The following NCAM2 variants were observed in gnomAD, a reference collection of about 807,000 sequenced individuals.
NCAM2 encodes the protein N-CAM-2.
NCAM2 carries 30 observed loss-of-function variants against 98.1 expected under a neutral mutation model. The ratio of observed to expected loss-of-function variants is 0.31; its 90% CI spans 0.23 to 0.41. The LOEUF (loss-of-function observed/expected upper bound fraction) is 0.41. Among genes scored for constraint, NCAM2 ranks in the 10% least tolerant of loss-of-function variants. NCAM2 has a pLI of 1.00. For synonymous variants in NCAM2, 368 were observed against 342.4 expected, an observed-to-expected ratio of 1.07 and a Z score of -0.83; for missense variants, 867 against 1,005.8, an observed-to-expected ratio of 0.86 and a Z score of 1.87.
rs571215854 is a variant in NCAM2, at chr21:21,456,989, T to C, written c.1655-9617T>C. On this transcript the variant is annotated intron_variant, in intron 12 of 17. Coordinates refer to ENST00000400546, the MANE Select transcript of NCAM2 (RefSeq NM_004540.5). Reference sequence around the variant, plus strand: ...CCACTTAGTCTAAGATATTCTCTTATAATTGTCTAAATGTAATAAGCCAGA... The same window carrying C: ...CCACTTAGTCTAAGATATTCTCTTACAATTGTCTAAATGTAATAAGCCAGA... Among the ~76,000 whole-genome samples, 4 of 152,316 alleles carry C rather than the reference T, an allele frequency of 2.6e-5. No individual in the cohort carries two copies. In the East Asian group the frequency reaches 7.7e-4, roughly 29 times the overall value.
Position 21,466,666 on chromosome 21 carries a change from T to C in NCAM2, c.1715T>C (p.Val572Ala). The C allele has an allele frequency of 6.2e-7, 1 of 1,610,500 alleles. No individual in the cohort carries two copies. The highest frequency in any genetic ancestry group is 8.5e-7 in the Non-Finnish European group (1 of 1,177,858). Residue 572 changes from valine (V) to alanine (A), a missense_variant, in exon 13 of 18, where the codon GTA (valine) becomes GCA (alanine). Physicochemically the swap from Val to Ala is moderately conservative, Grantham distance 64. Coordinates refer to ENST00000400546, the MANE Select transcript of NCAM2 (RefSeq NM_004540.5). The part of the protein sequence containing the change: ...NTTYEIRVAA[V>A]NGKGQGDYSK... ...ACTTATGAAATCAGGGTTGCAGCTG[T>C]AAATGGAAAGGGACAAGGAGACTAC...
At chr21:21,157,810 A>G (rs2067661039) in intron 1 of NCAM2, among the ~76,000 whole-genome samples, 1 of 152,302 alleles carries the variant, frequency 6.6e-6, no homozygotes, top group East Asian at 1.9e-4. Context: ...GTCTTTAAAA[A>G]GTTTTGTTGT....
At chr21:21,457,245 A>G (rs567471480) in intron 12 of NCAM2, among the ~76,000 whole-genome samples, 29 of 152,312 alleles carry the variant, frequency 1.9e-4, no homozygotes, top group Middle Eastern at 3.4e-3. Context: ...TGTGAAGAGA[A>G]TTCTGTTGAT....
rs541943951 is a variant in NCAM2, at chr21:21,540,017, T to C, written c.*2060T>C. 6.6e-6 allele frequency: 1 copy of C among 152,256 alleles called. No individual in the cohort carries two copies. Among genetic ancestry groups the C allele is most frequent in the South Asian group, 2.1e-4 (1 of 4,828 alleles). The allele number at this position is 152,256 out of a possible 1,614,324, so 9.4% of individuals were successfully genotyped here. A position where few individuals can be genotyped will look rare whatever the true frequency, so the allele number is the denominator to read the frequency against. ...GCTTAGTAAAGTGTCCATGAAGCAA[T>C]AGCCATGAATGCTAATTATTTCTAA... On this transcript the variant is annotated 3_prime_UTR_variant, in exon 18 of 18. Coordinates refer to ENST00000400546, the MANE Select transcript of NCAM2 (RefSeq NM_004540.5).
intron 9 of NCAM2, among the ~76,000 whole-genome samples, chr21:21,388,411 C>T (rs745884503): frequency 6.6e-6 from 1 of 152,074 alleles, no homozygotes; most frequent in South Asian, 2.1e-4. Flanking sequence ...GCAGAGGGAA[C>T]AAGGGCAGAT....
intron 15 of NCAM2, among the ~76,000 whole-genome samples, chr21:21,484,226 A>G (rs1986145943): frequency 6.6e-6 from 1 of 152,210 alleles, no homozygotes; most frequent in Non-Finnish European, 1.5e-5. Flanking sequence ...GTGACAATAC[A>G]TAGAAATGTT....
At chr21:21,403,709 G>A (rs1274073677) in intron 9 of NCAM2, among the ~76,000 whole-genome samples, 1 of 152,124 alleles carries the variant, frequency 6.6e-6, no homozygotes, top group Non-Finnish European at 1.5e-5. Context: ...TCATGAAGAA[G>A]TTAAATTCCT....
At chr21:21,525,675 A>G (rs1449414912) in intron 16 of NCAM2, among the ~76,000 whole-genome samples, 1 of 152,142 alleles carries the variant, frequency 6.6e-6, no homozygotes, top group Non-Finnish European at 1.5e-5. Context: ...AGCCAGCATT[A>G]CTGAAATGCC....
intron 1 of NCAM2, among the ~76,000 whole-genome samples, chr21:21,116,206 A>C (rs2066556716): frequency 6.6e-6 from 1 of 152,112 alleles, no homozygotes; most frequent in African/African-American, 2.4e-5. Flanking sequence ...GCTTGACGAG[A>C]AGTGAACCAC....
In NCAM2 at chr21:21,292,183, A is replaced by G; in HGVS notation, c.561A>G (p.Glu187=). 1 of 1,611,316 alleles carries G rather than the reference A, an allele frequency of 6.2e-7. No individual in the cohort carries two copies. Among genetic ancestry groups the G allele is most frequent in the South Asian group, 1.1e-5 (1 of 90,884 alleles). Residue 187 remains glutamate, a synonymous_variant, in exon 5 of 18, where the codon GAA becomes GAG. Coordinates refer to ENST00000400546, the MANE Select transcript of NCAM2 (RefSeq NM_004540.5). ...NKSDEGIYRC[E]GRVEARGEID... ...GTGATGAAGGTATATACAGATGTGAAGGAAGAGTGGAGGCCAGGGGAGAAA... is the reference window on the plus strand; with the variant it reads ...GTGATGAAGGTATATACAGATGTGAGGGAAGAGTGGAGGCCAGGGGAGAAA...
At chr21:21,309,307 CT>C (rs35915785) in intron 5 of NCAM2, among the ~76,000 whole-genome samples, 4 of 151,776 alleles carry the variant, frequency 2.6e-5, no homozygotes, top group South Asian at 2.1e-4. Context: ...TATTTTAGAC[CT>C]TTTTTTTCTA....
intron 17 of NCAM2, among the ~76,000 whole-genome samples, chr21:21,535,785 G>A (rs2146432374): frequency 6.6e-6 from 1 of 151,936 alleles, no homozygotes; most frequent in Non-Finnish European, 1.5e-5. Flanking sequence ...GGGAAAAAAG[G>A]GTAATTTAAT....
chr21:21,262,781 T>A (rs1247709280), intron 1 of NCAM2, among the ~76,000 whole-genome samples: 1 of 151,914 alleles, frequency 6.6e-6, no homozygotes, highest in Admixed American at 6.6e-5. Flanking sequence ...AATAAAGATA[T>A]TTAATGGACT....
intron 1 of NCAM2, among the ~76,000 whole-genome samples, chr21:21,213,026 C>T (rs1037139770): frequency 1.3e-5 from 2 of 152,080 alleles, no homozygotes; most frequent in Admixed American, 6.6e-5. Context: ...AGGCATGAGC[C>T]ACCACGCCTG....
Position 21,318,824 on chromosome 21 carries a change from T to C in NCAM2, c.620-5559T>C, listed in dbSNP as rs574246182. On this transcript the variant is annotated intron_variant, in intron 5 of 17. Coordinates refer to ENST00000400546, the MANE Select transcript of NCAM2 (RefSeq NM_004540.5). ...GTATCCACAGGGTTTGGAATACTGATCAGTTTGAGTAAGAGTGAAGACTTA... is the reference window on the plus strand; with the variant it reads ...GTATCCACAGGGTTTGGAATACTGACCAGTTTGAGTAAGAGTGAAGACTTA... Among the ~76,000 whole-genome samples the C allele has an allele frequency of 2.6e-5, 4 of 152,322 alleles. No individual in the cohort carries two copies. The South Asian group carries it at 8.3e-4, about 32-fold the overall frequency.
intron 15 of NCAM2, among the ~76,000 whole-genome samples, chr21:21,493,979 G>T (rs1350309767): frequency 1.3e-5 from 2 of 151,872 alleles, no homozygotes. Context: ...TTTTAATAAT[G>T]TAGAATTGAT....
At chr21:21,473,391 T>TATATATAC (rs1313833735) in intron 14 of NCAM2, among the ~76,000 whole-genome samples, 1 of 146,752 alleles carries the variant, frequency 6.8e-6, no homozygotes, top group Non-Finnish European at 1.5e-5. Flanking sequence ...TATATATATA[T>TATATATAC]ATTATATATA....
intron 1 of NCAM2, among the ~76,000 whole-genome samples, chr21:21,238,772 C>A (rs963649368): frequency 1.2e-4 from 19 of 152,098 alleles, no homozygotes; most frequent in African/African-American, 4.3e-4. Flanking sequence ...ATAAATTGGC[C>A]ATTTTCTACC....
intron 1 of NCAM2, among the ~76,000 whole-genome samples, chr21:21,142,658 C>A (rs1188765411): frequency 6.6e-6 from 1 of 152,050 alleles, no homozygotes; most frequent in African/African-American, 2.4e-5. Context: ...GGATTACAGG[C>A]GTGAGCCACT....
Sources: allele counts gnomAD v4.1 joint callset (sites outside exome capture counted in the v4.1 genomes callset), GRCh38; gene constraint gnomAD v4.1.1; transcripts MANE v1.5; gene names NCBI Gene and HGNC (gene_info 2026-07-23, HGNC 2026-07-21).